KDM7A: variants seen among roughly 807,000 people sequenced by gnomAD.
The protein encoded by KDM7A is lysine-specific demethylase 7A.
KDM7A carries 28 observed loss-of-function variants against 114.8 expected under a neutral mutation model. The ratio of observed to expected loss-of-function variants is 0.24; its 90% CI spans 0.18 to 0.33. The LOEUF is 0.33. Ranked by LOEUF, KDM7A falls within the 10% of genes least tolerant of loss-of-function variation. The pLI is 1.00. For synonymous variants in KDM7A, 423 were observed against 397.8 expected (o/e 1.06, Z -0.75); for missense variants, 942 against 1,142.5 (o/e 0.82, Z 2.53).
Position 140,176,857 on chromosome 7 carries a change from G to C in KDM7A, c.81C>G (p.Gly27=). The part of the protein sequence containing the change: ...AAAAVSVAAP[G]RASAPPPPPP... ...GGGGCGGCGGAGGCGCCGAGGCCCG[G>C]CCGGGAGCCGCCACCGACACGGCTG... Residue 27 remains glycine, a synonymous_variant, in exon 1 of 20, where the codon GGC becomes GGG. Transcript: ENST00000397560. This position sits in a 1 kb window ranked among gnomAD's most constrained non-coding sequence, Gnocchi z 4.4. 1 of 1,280,700 alleles carries C rather than the reference G, an allele frequency of 7.8e-7. No individual in the cohort carries two copies. Among genetic ancestry groups the C allele is most frequent in the Non-Finnish European group, 1.0e-6 (1 of 1,000,018 alleles). 79.3% of individuals were successfully genotyped at this position (1,280,700 alleles called of 1,614,324 possible).
intron 2 of KDM7A, among the ~76,000 whole-genome samples, chr7:140,137,973 T>C (rs1027041237): frequency 1.3e-5 from 2 of 152,156 alleles, no homozygotes; most frequent in African/African-American, 4.8e-5. Context: ...AAGCCTATAA[T>C]TTTCCCTTTA....
intron 11 of KDM7A, among the ~76,000 whole-genome samples, chr7:140,105,264 A>C (rs1044128393): frequency 1.2e-4 from 18 of 152,286 alleles, no homozygotes; most frequent in African/African-American, 4.1e-4. Flanking sequence ...TCTCTTCCTA[A>C]CGGAATACCC....
chr7:140,088,828 C>G lies in KDM7A; in HGVS notation c.*2266G>C. ...TCTCAGCCTAAGGACACAGTGGATA[C>G]TGGCCACAATTTTAATTCATAAAAA... On this transcript the variant is annotated 3_prime_UTR_variant, in exon 20 of 20. Coordinates refer to ENST00000397560, the MANE Select transcript of KDM7A (RefSeq NM_030647.2). 1 of 294,724 alleles carries G rather than the reference C, an allele frequency of 3.4e-6. No homozygotes were observed. Among genetic ancestry groups the G allele is most frequent in the Non-Finnish European group, 6.2e-6 (1 of 162,002 alleles). The allele number at this position is 294,724 out of a possible 1,614,324, so 18.3% of individuals were successfully genotyped here.
intron 1 of KDM7A, among the ~76,000 whole-genome samples, chr7:140,150,950 T>C (rs965721016): frequency 6.6e-6 from 1 of 150,798 alleles, no homozygotes; most frequent in African/African-American, 2.4e-5. Context: ...TGCCTCAGCC[T>C]CCTGAGTAGC....
At chr7:140,129,693 G>A in intron 3 of KDM7A, 40 bp from the exon 4 acceptor site, 1 of 1,372,716 alleles carries the variant, frequency 7.3e-7, no homozygotes, top group East Asian at 2.3e-5. Context: ...ATTTTTATTG[G>A]TAAGGTCAGT....
chr7:140,138,917 C>T (rs998100827), intron 2 of KDM7A, among the ~76,000 whole-genome samples, 188 bp downstream of exon 2: 5 of 152,154 alleles, frequency 3.3e-5, no homozygotes, highest in African/African-American at 4.8e-5. Context: ...TACATTTCCC[C>T]CCTTAATCTT....
chr7:140,101,860 A>G (rs1033564788), intron 12 of KDM7A, 91 bp downstream of exon 12: 3 of 837,852 alleles, frequency 3.6e-6, no homozygotes, highest in Middle Eastern at 3.6e-4. Flanking sequence ...ATTAGATATC[A>G]ACAATAGTCA....
intron 12 of KDM7A, among the ~76,000 whole-genome samples, chr7:140,100,689 CATAT>C (rs1392915165): frequency 3.7e-5 from 2 of 54,006 alleles, no homozygotes; most frequent in Non-Finnish European, 7.3e-5. Flanking sequence ...TACATATATA[CATAT>C]ATATATATAT....
chr7:140,120,453 G>A lies in KDM7A; in HGVS notation c.1128C>T (p.Gly376=). The change falls in exon 8 of 20, where the codon GGC becomes GGT. Residue 376 remains glycine, a synonymous_variant. Coordinates refer to ENST00000397560, the MANE Select transcript of KDM7A (RefSeq NM_030647.2). ...CTGATGACACAAACCTGAGCTGCAT[G>A]CCAATGTTAAGGTTGTGCAGGAAGT... ...GGNFLHNLNI[G]MQLRCYEMEK... 6.2e-7 allele frequency: 1 copy of A among 1,607,016 alleles called. No homozygotes were observed. Among genetic ancestry groups the A allele is most frequent in the Non-Finnish European group, 8.5e-7 (1 of 1,173,706 alleles).
chr7:140,155,050 C>T (rs1360152946), intron 1 of KDM7A, among the ~76,000 whole-genome samples: 1 of 152,108 alleles, frequency 6.6e-6, no homozygotes, highest in African/African-American at 2.4e-5. Flanking sequence ...TAACAAAGCA[C>T]GTTAATGAAT....
intron 1 of KDM7A, among the ~76,000 whole-genome samples, chr7:140,149,925 T>C (rs1379946713): frequency 6.6e-6 from 1 of 152,250 alleles, no homozygotes; most frequent in Non-Finnish European, 1.5e-5. Context: ...TAACAGTATG[T>C]ATGTGAAGTT....
chr7:140,141,467 A>ATG (rs1342017280), intron 1 of KDM7A, among the ~76,000 whole-genome samples: 2 of 152,164 alleles, frequency 1.3e-5, no homozygotes, highest in Non-Finnish European at 2.9e-5. Context: ...ATCCATGTAT[A>ATG]TGTGTGCACT....
In KDM7A at chr7:140,176,103, T is replaced by C. The variant is rs1794702795; in HGVS notation, c.194+641A>G. Among the ~76,000 whole-genome samples, 1 of 151,522 alleles carries C rather than the reference T, an allele frequency of 6.6e-6. No individual in the cohort carries two copies. The highest frequency in any genetic ancestry group is 2.0e-4 in the East Asian group (1 of 5,046). On this transcript the variant is annotated intron_variant, in intron 1 of 19. Coordinates refer to ENST00000397560, the MANE Select transcript of KDM7A (RefSeq NM_030647.2). This position sits in a 1 kb window ranked among gnomAD's most constrained non-coding sequence, Gnocchi z 4.4. ...CCCCGAGAGCGAGTGCCTCATCTGT[T>C]GCTCTGTTTACTCCGCGGAGCCCCG...
intron 1 of KDM7A, among the ~76,000 whole-genome samples, chr7:140,148,588 A>G (rs1195656188): frequency 6.6e-6 from 1 of 152,222 alleles, no homozygotes; most frequent in African/African-American, 2.4e-5. Context: ...ATAAGTTGAC[A>G]TTCTTACTAA....
chr7:140,088,490 G>A lies in KDM7A; in HGVS notation c.*2604C>T, dbSNP rs1378314969. 5 of 398,194 alleles carry A rather than the reference G, an allele frequency of 1.3e-5. No homozygotes were observed. Among genetic ancestry groups the A allele is most frequent in the African/African-American group, 2.1e-5 (1 of 48,566 alleles). 24.7% of individuals were successfully genotyped at this position (398,194 alleles called of 1,614,324 possible). On this transcript the variant is annotated 3_prime_UTR_variant, in exon 20 of 20. Coordinates refer to ENST00000397560, the MANE Select transcript of KDM7A (RefSeq NM_030647.2). ...CTTCCTAAGTTGCTGTGTCTGTATG[G>A]TATAAATGAGGTTCTCTATTACTGT... is the stretch of plus-strand genomic sequence containing the variant.
intron 19 of KDM7A, 118 bp downstream of exon 19, chr7:140,091,686 G>T: frequency 1.8e-6 from 2 of 1,093,924 alleles, no homozygotes; most frequent in Non-Finnish European, 2.7e-6. Context: ...CCATCACTAT[G>T]CTGTCTACTA....
At chr7:140,102,972 T>C (rs1382748367) in intron 11 of KDM7A, among the ~76,000 whole-genome samples, 6 of 152,174 alleles carry the variant, frequency 3.9e-5, no homozygotes, top group African/African-American at 1.4e-4. Flanking sequence ...AACATAAACA[T>C]AAAATCTGCC....
chr7:140,134,486 T>C lies in KDM7A; in HGVS notation c.281-830A>G, dbSNP rs145479417. On this transcript the variant is annotated intron_variant, in intron 2 of 19. Coordinates refer to ENST00000397560, the MANE Select transcript of KDM7A (RefSeq NM_030647.2). ...GCCAAGGAATGATCTCTGGACCTCA[T>C]TCCTCTTTCCAGCAGAGTGGCACTA... Among the ~76,000 whole-genome samples, 870 of 152,240 alleles carry C rather than the reference T, an allele frequency of 5.7e-3. 16 individuals are homozygous for C. The highest frequency in any genetic ancestry group is 0.019 in the African/African-American group (793 of 41,540).
At chr7:140,101,107 A>C (rs4726602) in intron 12 of KDM7A, among the ~76,000 whole-genome samples, 52,733 of 151,380 alleles carry the variant, frequency 0.35, 9,412 homozygotes, top group Middle Eastern at 0.43. Flanking sequence ...CTGGGACTAC[A>C]GGCCCACACC....
Sources: allele counts gnomAD v4.1 joint callset (sites outside exome capture counted in the v4.1 genomes callset), GRCh38; gene constraint gnomAD v4.1.1; non-coding constraint Gnocchi (gnomAD v3.1); transcripts MANE v1.5; gene names NCBI Gene and HGNC (gene_info 2026-07-23, HGNC 2026-07-21).